Variants in RBL1 observed in about 807,000 individuals in gnomAD.
RBL1 encodes RB transcriptional corepressor like 1, also known as retinoblastoma-like protein 1.
Under a neutral mutation model 123.0 loss-of-function variants are expected in RBL1, and 82 were observed. That is an observed-to-expected ratio of 0.67 (90% CI 0.56 to 0.80). The LOEUF (loss-of-function observed/expected upper bound fraction) is 0.80. Among genes scored for constraint, RBL1 ranks in the 30% least tolerant of loss-of-function variants. The pLI, the probability that RBL1 is intolerant of heterozygous loss-of-function variation, is 0.00. For missense variants in RBL1, 1,171 were observed against 1,299.6 expected (o/e 0.90, Z 1.52); for synonymous variants, 405 against 441.3 (o/e 0.92, Z 1.03).
chr20:37,021,188 G>A (rs1003479457), intron 17 of RBL1, among the ~76,000 whole-genome samples: 2 of 152,166 alleles, frequency 1.3e-5, no homozygotes, highest in Non-Finnish European at 2.9e-5. Flanking sequence ...AGGACAGACT[G>A]TAGGGTTTCT....
chr20:37,067,290 G>A lies in RBL1; in HGVS notation c.499C>T (p.Pro167Ser). 6.2e-7 allele frequency: 1 copy of A among 1,600,716 alleles called. No individual in the cohort carries two copies. Among genetic ancestry groups the A allele is most frequent in the Non-Finnish European group, 8.5e-7 (1 of 1,176,052 alleles). ...TTAAACAGATCCTTAACACTGCAAGGAATCCTCCTAAAAAGGGAAAAAAAT... is the reference window on the plus strand; with the variant it reads ...TTAAACAGATCCTTAACACTGCAAGAAATCCTCCTAAAAAGGGAAAAAAAT... ...LPRSRKQRRI[P>S]CSVKDLFNFC... Residue 167 changes from proline (P) to serine (S), a missense_variant, in exon 4 of 22, where the codon CCT (proline) becomes TCT (serine). Coordinates refer to ENST00000373664, the MANE Select transcript of RBL1 (RefSeq NM_002895.5).
intron 16 of RBL1, among the ~76,000 whole-genome samples, chr20:37,027,013 C>G (rs6030829): frequency 7.1e-6 from 1 of 140,184 alleles, no homozygotes; most frequent in East Asian, 2.1e-4. Context: ...AAAAAAACAA[C>G]AAAAAAAAAC....
At position 36,998,828 on chromosome 20, in the gene RBL1, G is replaced by A. The variant is rs146524033; in HGVS notation, c.3138C>T (p.Val1046=). Residue 1046 remains valine, a synonymous_variant, in exon 22 of 22, where the codon GTC becomes GTT. Coordinates refer to ENST00000373664, the MANE Select transcript of RBL1 (RefSeq NM_002895.5). ...DSDAESPAKR[V]CQENDDVLLK... is the part of the protein sequence containing the mutation. ...GTAAAACGTCATCATTTTCTTGACA[G>A]ACGCGTTTGGCAGGGGATTCTGCAT... The A allele has an allele frequency of 1.1e-5, 17 of 1,613,582 alleles. No homozygotes were observed. In the African/African-American group the frequency reaches 2.1e-4, roughly 20 times the overall value.
intron 1 of RBL1, among the ~76,000 whole-genome samples, chr20:37,091,665 C>CAAAAAAA (rs11421608): frequency 9.4e-6 from 1 of 105,930 alleles, no homozygotes. Context: ...GACTCTATCT[C>CAAAAAAA]AAAAAAAAAA....
intron 1 of RBL1, among the ~76,000 whole-genome samples, 171 bp from the exon 2 acceptor site, chr20:37,089,293 G>A (rs1177954959): frequency 6.6e-6 from 1 of 151,970 alleles, no homozygotes; most frequent in Non-Finnish European, 1.5e-5. Context: ...TGCAGTAATG[G>A]GTATAAAACT....
intron 8 of RBL1, 73 bp downstream of exon 8, chr20:37,062,011 T>G: frequency 7.1e-7 from 1 of 1,401,848 alleles, no homozygotes. Flanking sequence ...TGAAAGATGC[T>G]TCTGCTGTTA....
chr20:37,003,462 G>C (rs1307345703), intron 21 of RBL1: 4 of 771,696 alleles, frequency 5.2e-6, no homozygotes, highest in Non-Finnish European at 6.7e-6. Context: ...GATCTTGCTT[G>C]AACAGGAAAA....
intron 13 of RBL1, among the ~76,000 whole-genome samples, chr20:37,043,188 T>C (rs2146264926): frequency 8.5e-6 from 1 of 117,322 alleles, no homozygotes; most frequent in South Asian, 2.6e-4. Context: ...ACACACACAA[T>C]TAGCCGGGTG....
At chr20:37,005,935 G>A (rs372094426) in intron 20 of RBL1, among the ~76,000 whole-genome samples, 289 of 106,898 alleles carry the variant, frequency 2.7e-3, no homozygotes, top group African/African-American at 9.5e-3. Context: ...TTGCTCTGTT[G>A]CCCAGACTGG....
At chr20:37,077,408 A>T (rs979321708) in intron 2 of RBL1, among the ~76,000 whole-genome samples, 1 of 152,196 alleles carries the variant, frequency 6.6e-6, no homozygotes, top group East Asian at 1.9e-4. Context: ...TTAGTAAAGC[A>T]GATTACTCTT....
rs375915894 is a variant in RBL1, at chr20:36,998,860, C to A, written c.3106G>T (p.Asp1036Tyr). The part of the protein sequence containing the change: ...QRTKKRVIAI[D>Y]SDAESPAKRV... ...TTGGCAGGGGATTCTGCATCACTATCGATGGCTATTACTCGCTTCTTGGTT... is the reference window on the plus strand; with the variant it reads ...TTGGCAGGGGATTCTGCATCACTATAGATGGCTATTACTCGCTTCTTGGTT... Residue 1036 changes from aspartate (D) to tyrosine (Y), a missense_variant, in exon 22 of 22, where the codon GAT (aspartate) becomes TAT (tyrosine). By Grantham distance (160) the Asp-to-Tyr change is radical. Transcript: ENST00000373664. 2.5e-6 allele frequency: 4 copies of A among 1,613,224 alleles called. No individual in the cohort carries two copies. The highest frequency in any genetic ancestry group is 1.7e-5 in the Admixed American group (1 of 59,984).
chr20:37,067,424 C>A, intron 3 of RBL1, 127 bp from the exon 4 acceptor site: 1 of 780,604 alleles, frequency 1.3e-6, no homozygotes, highest in East Asian at 2.9e-5. Flanking sequence ...GAAAAGTAAT[C>A]TATTATTTAT....
intron 16 of RBL1, among the ~76,000 whole-genome samples, chr20:37,025,934 G>A (rs1196333424): frequency 2.0e-5 from 3 of 151,948 alleles, no homozygotes; most frequent in African/African-American, 7.3e-5. Flanking sequence ...AAGTAGAGAT[G>A]GGGTTTCACC....
chr20:37,091,369 A>C (rs942089735), intron 1 of RBL1, among the ~76,000 whole-genome samples: 3 of 151,126 alleles, frequency 2.0e-5, no homozygotes, highest in South Asian at 2.1e-4. Flanking sequence ...AAAAAAAAAA[A>C]CAAGAATTAC....
intron 19 of RBL1, among the ~76,000 whole-genome samples, chr20:37,013,222 C>T (rs2064193109): frequency 6.6e-6 from 1 of 152,036 alleles, no homozygotes; most frequent in Admixed American, 6.6e-5. Flanking sequence ...ACATGGGAGA[C>T]TTCTCATTTT....
intron 11 of RBL1, among the ~76,000 whole-genome samples, chr20:37,051,090 A>C (rs1404814463): frequency 6.6e-6 from 1 of 152,070 alleles, no homozygotes; most frequent in African/African-American, 2.4e-5. Flanking sequence ...CAGTGCAATC[A>C]TACTACACAG....
chr20:37,046,604 A>G (rs934642077), intron 12 of RBL1, among the ~76,000 whole-genome samples: 3 of 145,376 alleles, frequency 2.1e-5, no homozygotes, highest in South Asian at 2.2e-4. Context: ...AGGAATATAT[A>G]TTATCTTTTT....
rs899185104 is a variant in RBL1 at position 36,998,949 on chromosome 20, G to C, written c.3037-20C>G. ...CAAACTCTGTGCAGAAATAGAGAAC[G>C]TGTGTGAGTAAAAGAGGGAGAGGGG... On this transcript the variant is annotated intron_variant, in intron 21 of 21. Coordinates refer to ENST00000373664, the MANE Select transcript of RBL1 (RefSeq NM_002895.5). The C allele has an allele frequency of 1.3e-6, 2 of 1,598,904 alleles. No individual in the cohort carries two copies. The highest frequency in any genetic ancestry group is 3.4e-5 in the Admixed American group (2 of 58,436).
At chr20:37,011,687 G>A (rs568602196) in intron 19 of RBL1, among the ~76,000 whole-genome samples, 91 of 151,380 alleles carry the variant, frequency 6.0e-4, no homozygotes, top group Non-Finnish European at 1.1e-3. Flanking sequence ...TGCCCGCCTC[G>A]GTCTCCCAAA....
Sources: allele counts gnomAD v4.1 joint callset (sites outside exome capture counted in the v4.1 genomes callset), GRCh38; gene constraint gnomAD v4.1.1; transcripts MANE v1.5; gene names NCBI Gene and HGNC (gene_info 2026-07-23, HGNC 2026-07-21).